Variants in ZFYVE19 observed in about 807,000 individuals in gnomAD.
ZFYVE19 encodes the protein zinc finger FYVE-type containing 19, also known as abscission/NoCut checkpoint regulator.
Under a neutral mutation model 62.8 loss-of-function variants are expected in ZFYVE19, and 49 were observed. The observed-to-expected ratio is 0.78, with a 90% CI of 0.62 to 0.99. ZFYVE19 has a LOEUF of 0.99. ZFYVE19 is among the 50% of genes least tolerant of loss of function. ZFYVE19 has a pLI of 0.00. For synonymous variants in ZFYVE19, 242 were observed against 234.3 expected (o/e 1.03, Z -0.30); for missense variants, 630 against 601.9 (o/e 1.05, Z -0.49).
rs78819718 is a variant in ZFYVE19, at chr15:40,807,513, C to G, written c.-77C>G. 32,571 of 1,607,976 alleles carry G rather than the reference C, an allele frequency of 0.02. 1,059 individuals carry two copies. The highest frequency in any genetic ancestry group is 0.15 in the African/African-American group (11,231 of 74,878). On this transcript the variant is annotated 5_prime_UTR_variant, in exon 1 of 11. Coordinates refer to ENST00000355341, the MANE Select transcript of ZFYVE19 (RefSeq NM_001077268.2). ...TAAGCGCGCGTGAGGACTGCAGGCT[C>G]CGAGCGGCGCCTAGCCCTCTGGGAA...
Position 40,814,653 on chromosome 15 carries a change from G to C in ZFYVE19, c.*427G>C, listed in dbSNP as rs1254836173. 4.8e-6 allele frequency: 1 copy of C among 207,012 alleles called. No individual in the cohort carries two copies. Among genetic ancestry groups the C allele is most frequent in the African/African-American group, 2.3e-5 (1 of 42,960 alleles). The allele number at this position is 207,012 out of a possible 1,614,324, so 12.8% of individuals were successfully genotyped here. A position where few individuals can be genotyped will look rare whatever the true frequency, so the allele number is the denominator to read the frequency against. On this transcript the variant is annotated 3_prime_UTR_variant, in exon 11 of 11. Coordinates refer to ENST00000355341, the MANE Select transcript of ZFYVE19 (RefSeq NM_001077268.2). ...AGAGCAGGCTGTAAGCACAGTTGTG[G>C]GGAATGGGGGAAAAGGTTGAGCCAT...
At chr15:40,810,268 C>G (rs1302791684) in intron 5 of ZFYVE19, 52 bp downstream of exon 5, 1 of 1,602,106 alleles carries the variant, frequency 6.2e-7, no homozygotes, top group Non-Finnish European at 8.5e-7. Flanking sequence ...GAGGACCCAG[C>G]AGAAGCCCAG....
Position 40,812,920 on chromosome 15 carries a change from G to A in ZFYVE19, c.1030+18G>A, listed in dbSNP as rs1454795374. ...CGAGAGAGGTGAAGGCTGGGGAGCA[G>A]CTGCTCACTGGTATCCCTTGGTCAA... On this transcript the variant is annotated intron_variant, in intron 7 of 10. Coordinates refer to ENST00000355341, the MANE Select transcript of ZFYVE19 (RefSeq NM_001077268.2). The A allele has an allele frequency of 1.2e-6, 2 of 1,606,268 alleles. No homozygotes were observed. Among genetic ancestry groups the A allele is most frequent in the Admixed American group, 1.7e-5 (1 of 59,994 alleles).
rs2141972006 is a variant in ZFYVE19, at chr15:40,807,782, A to T, written c.193A>T (p.Ser65Cys). 1.9e-6 allele frequency: 3 copies of T among 1,577,324 alleles called. No homozygotes were observed. In the East Asian group the frequency reaches 6.7e-5, roughly 35 times the overall value. Residue 65 changes from serine to cysteine, a missense_variant, in exon 1 of 11, where the codon AGC becomes TGC. Physicochemically the swap from Ser to Cys is moderately radical, Grantham distance 112 (BLOSUM62 -1). Transcript: ENST00000355341. ...RGPGLGRRDL[S>C]SADPAVLGAT... ...CCCAGGACTTGGCCGGCGTGATCTC[A>T]GCTCTGCAGACCCTGCGGTGCTGGG... is the stretch of plus-strand genomic sequence containing the variant.
At chr15:40,810,891 A>C in intron 6 of ZFYVE19, 134 bp downstream of exon 6, 1 of 1,201,016 alleles carries the variant, frequency 8.3e-7, no homozygotes, top group Non-Finnish European at 1.2e-6. Context: ...CCATTCATTG[A>C]GTGCTTACTC....
At chr15:40,807,966 A>C (rs1226145352) in intron 1 of ZFYVE19, 98 bp downstream of exon 1, 3 of 1,428,800 alleles carry the variant, frequency 2.1e-6, no homozygotes, top group East Asian at 2.4e-5. Context: ...GCTCCTTTCC[A>C]GCTGTGTGGT....
In ZFYVE19 at chr15:40,809,154, A is replaced by G. The variant is rs1890392060; in HGVS notation, c.315A>G (p.Ser105=). 1 of 1,614,054 alleles carries G rather than the reference A, an allele frequency of 6.2e-7. No individual in the cohort carries two copies. Among genetic ancestry groups the G allele is most frequent in the Admixed American group, 1.7e-5 (1 of 60,002 alleles). Residue 105 remains serine (S), a synonymous_variant, in exon 2 of 11, where the codon TCA becomes TCG. Transcript: ENST00000355341. The part of the protein sequence containing the change: ...GCKNCGRAFC[S]GCLSFSAAVP... ...AGAATTGTGGCAGGGCCTTCTGTTC[A>G]GGCTGCCTAAGCTTCAGTGCAGCAG... is the stretch of plus-strand genomic sequence containing the variant.
rs1011656204 is a variant in ZFYVE19 at position 40,812,761 on chromosome 15, G to A, written c.889G>A (p.Ala297Thr). 2 of 1,612,730 alleles carry A rather than the reference G, an allele frequency of 1.2e-6. No homozygotes were observed. Among genetic ancestry groups the A allele is most frequent in the African/African-American group, 1.3e-5 (1 of 75,046 alleles). Residue 297 changes from alanine (A) to threonine (T), a missense_variant, in exon 7 of 11, where the codon GCC (alanine) becomes ACC (threonine). Coordinates refer to ENST00000355341, the MANE Select transcript of ZFYVE19 (RefSeq NM_001077268.2). ...GPGSTNSKRQ[A>T]NWSLEEEKSR... ...AGGGAGCACTAATTCCAAGAGGCAGGCCAACTGGTCCTTGGAGGAGGAGAA... is the reference window on the plus strand; with the variant it reads ...AGGGAGCACTAATTCCAAGAGGCAGACCAACTGGTCCTTGGAGGAGGAGAA...
chr15:40,809,552 C>T lies in ZFYVE19; in HGVS notation c.452+94C>T. On this transcript the variant is annotated intron_variant, in intron 3 of 10. Coordinates refer to ENST00000355341, the MANE Select transcript of ZFYVE19 (RefSeq NM_001077268.2). ...GCCCCCATCTTCTAGATAAAATGAGCACAGAATCAGGAGAATTCTCTCCTC... is the reference window on the plus strand; with the variant it reads ...GCCCCCATCTTCTAGATAAAATGAGTACAGAATCAGGAGAATTCTCTCCTC... 3.4e-6 allele frequency: 5 copies of T among 1,466,760 alleles called. No individual in the cohort carries two copies. In the Admixed American group the frequency reaches 9.3e-5, roughly 27 times the overall value. 90.9% of individuals were successfully genotyped at this position (1,466,760 alleles called of 1,614,324 possible).
chr15:40,809,948 A>C lies in ZFYVE19; in HGVS notation c.549A>C (p.Arg183=). Residue 183 remains arginine, a synonymous_variant, in exon 4 of 11, where the codon CGA becomes CGC. Coordinates refer to ENST00000355341, the MANE Select transcript of ZFYVE19 (RefSeq NM_001077268.2). The stretch of plus-strand genomic sequence containing the variant: ...AGATGATTGCTGAGCGCCTAGCACG[A>C]CTCCGCCAGGAGAACAAGCCCAGTG... ...QDQMIAERLA[R]LRQENKPKLV... is the part of the protein sequence containing the mutation. The C allele has an allele frequency of 1.2e-6, 2 of 1,614,106 alleles. No individual in the cohort carries two copies. The highest frequency in any genetic ancestry group is 3.3e-5 in the Admixed American group (2 of 60,012).
In ZFYVE19 at chr15:40,807,847, GTTCACCCTC is replaced by G. The variant is rs1382392851; in HGVS notation, c.263_271del (p.Thr88_Phe90del). The stretch of plus-strand genomic sequence containing the variant: ...GTAGGTGCTACGGCTGCGCTGTCAA[GTTCACCCTC>G]TTCAAGAAGGAGGCGAGTCTTCCCT... On this transcript the variant is annotated inframe_deletion, in exon 1 of 11. Coordinates refer to ENST00000355341, the MANE Select transcript of ZFYVE19 (RefSeq NM_001077268.2). The G allele has an allele frequency of 1.3e-6, 2 of 1,536,868 alleles. No homozygotes were observed. The highest frequency in any genetic ancestry group is 3.9e-5 in the Admixed American group (2 of 50,752).
rs748920983 is a variant in ZFYVE19, at chr15:40,808,078, G to A, written c.279+210G>A. On this transcript the variant is annotated intron_variant, in intron 1 of 10. Coordinates refer to ENST00000355341, the MANE Select transcript of ZFYVE19 (RefSeq NM_001077268.2). Reference sequence around the variant, plus strand: ...GAGGGTCCACTGAAGTGCTTTAGGTGAGAGTTCCCTATAAACTGTAAAGCG... The same window carrying A: ...GAGGGTCCACTGAAGTGCTTTAGGTAAGAGTTCCCTATAAACTGTAAAGCG... 13 of 917,474 alleles carry A rather than the reference G, an allele frequency of 1.4e-5. No homozygotes were observed. The African/African-American group carries it at 2.5e-4, about 18-fold the overall frequency. The allele number at this position is 917,474 out of a possible 1,614,324, so 56.8% of individuals were successfully genotyped here. A position where few individuals can be genotyped will look rare whatever the true frequency, so the allele number is the denominator to read the frequency against.
intron 3 of ZFYVE19, 117 bp downstream of exon 3, chr15:40,809,575 C>T (rs1170863558): frequency 3.4e-5 from 45 of 1,321,284 alleles, no homozygotes; most frequent in Non-Finnish European, 4.6e-5. Context: ...GAATTCTCTC[C>T]TCTCTGGCTC....
At chr15:40,809,333 C>T (rs541960644) in intron 2 of ZFYVE19, 75 bp from the exon 3 acceptor site, 32 of 1,613,436 alleles carry the variant, frequency 2.0e-5, no homozygotes, top group South Asian at 8.8e-5. Flanking sequence ...GAGAGTCAGC[C>T]GAGGAAGTGT....
intron 7 of ZFYVE19, 158 bp from the exon 8 acceptor site, chr15:40,813,180 G>C: frequency 1.4e-6 from 1 of 713,752 alleles, no homozygotes; most frequent in Non-Finnish European, 2.4e-6. Flanking sequence ...GCTGGGGCAG[G>C]CAGGGACAGG....
At chr15:40,813,850 C>T (rs376086880) in intron 9 of ZFYVE19, 39 bp downstream of exon 9, 18 of 1,601,884 alleles carry the variant, frequency 1.1e-5, no homozygotes, top group Admixed American at 3.5e-5. Flanking sequence ...AGGCTCCCCC[C>T]AGCCTTGCTT....
intron 1 of ZFYVE19, 97 bp downstream of exon 1, chr15:40,807,965 C>A: frequency 7.0e-7 from 1 of 1,431,288 alleles, no homozygotes; most frequent in Non-Finnish European, 9.5e-7. Context: ...GGCTCCTTTC[C>A]AGCTGTGTGG....
In ZFYVE19 at chr15:40,814,220, G is replaced by A; in HGVS notation, c.1410G>A (p.Glu470=). 2 of 1,614,168 alleles carry A rather than the reference G, an allele frequency of 1.2e-6. No individual in the cohort carries two copies. Among genetic ancestry groups the A allele is most frequent in the Middle Eastern group, 1.7e-4 (1 of 6,046 alleles). The part of the protein sequence containing the change: ...SAYSPPRAGQ[E]H Reference sequence around the variant, plus strand: ...ACTCTCCTCCACGTGCAGGCCAAGAGCACTGAAGACACCCTGGTCCTCCCG... The same window carrying A: ...ACTCTCCTCCACGTGCAGGCCAAGAACACTGAAGACACCCTGGTCCTCCCG... The change falls in exon 11 of 11, where the codon GAG becomes GAA. Residue 470 remains glutamate (E), a synonymous_variant. Coordinates refer to ENST00000355341, the MANE Select transcript of ZFYVE19 (RefSeq NM_001077268.2).
rs1890616356 is a variant in ZFYVE19 at position 40,814,741 on chromosome 15, A to G, written c.*515A>G. ...CCTGGTGGCCTCATACGAAGTAAAC[A>G]TGTATTCATTCAACTCAACTGTGCT... On this transcript the variant is annotated 3_prime_UTR_variant, in exon 11 of 11. Coordinates refer to ENST00000355341, the MANE Select transcript of ZFYVE19 (RefSeq NM_001077268.2). The G allele has an allele frequency of 5.9e-6, 1 of 169,958 alleles. No individual in the cohort carries two copies. The highest frequency in any genetic ancestry group is 1.4e-4 in the South Asian group (1 of 7,344). The allele number at this position is 169,958 out of a possible 1,614,324, so 10.5% of individuals were successfully genotyped here.
Sources: gnomAD v4.1 joint callset for allele counts on GRCh38, gnomAD v4.1.1 for gene constraint, MANE v1.5 for transcripts, NCBI Gene and HGNC (gene_info 2026-07-23, HGNC 2026-07-21) for gene names.